Variants in JADE1 observed in about 807,000 individuals in gnomAD.
JADE1 encodes the protein protein Jade-1.
A neutral mutation model predicts 81.8 loss-of-function variants in JADE1; 14 were observed. The observed-to-expected ratio is 0.17, with a 90% CI of 0.11 to 0.27. The LOEUF is 0.27. JADE1 is among the 10% of genes least tolerant of loss of function. The pLI is 1.00. For missense variants in JADE1, 690 were observed against 1,047.9 expected, an observed-to-expected ratio of 0.66 and a Z score of 4.71; for synonymous variants, 353 against 391.9, an observed-to-expected ratio of 0.90 and a Z score of 1.17.
At chr4:128,865,966 A>G (rs1731749804) in intron 9 of JADE1, among the ~76,000 whole-genome samples, 1 of 152,292 alleles carries the variant, frequency 6.6e-6, no homozygotes, top group East Asian at 1.9e-4. Flanking sequence ...TATTTCCAGG[A>G]GTCAGATTCC....
At chr4:128,842,306 CTT>C (rs1553946691) in intron 2 of JADE1, among the ~76,000 whole-genome samples, 7 of 144,544 alleles carry the variant, frequency 4.8e-5, no homozygotes, top group Non-Finnish European at 4.6e-5. Context: ...TTCTTTCTTT[CTT>C]TTTTTTTTTT....
At position 128,824,193 on chromosome 4, in the gene JADE1, C is replaced by T. The variant is rs868438062; in HGVS notation, c.-26-7540C>T. Among the ~76,000 whole-genome samples the T allele has an allele frequency of 6.5e-4, 99 of 152,000 alleles. 2 individuals are homozygous for T. The highest frequency in any genetic ancestry group is 3.9e-3 in the Admixed American group (60 of 15,248). On this transcript the variant is annotated intron_variant, in intron 1 of 10. Coordinates refer to ENST00000226319, the MANE Select transcript of JADE1 (RefSeq NM_199320.4). The stretch of plus-strand genomic sequence containing the variant: ...CAGCACTTTGGGAGGCCGAGGCGGG[C>T]GGATCATGAGGTCAGGAGATCGAGA...
intron 1 of JADE1, among the ~76,000 whole-genome samples, chr4:128,830,481 G>T (rs188225949): frequency 6.6e-6 from 1 of 152,096 alleles, no homozygotes; most frequent in South Asian, 2.1e-4. Context: ...TGATCCTCCC[G>T]TCTTTGCTTC....
intron 5 of JADE1, among the ~76,000 whole-genome samples, chr4:128,849,873 C>T (rs1730199106): frequency 6.6e-6 from 1 of 152,144 alleles, no homozygotes; most frequent in Non-Finnish European, 1.5e-5. Flanking sequence ...TCTTGATGAA[C>T]AAGACAGTGG....
intron 2 of JADE1, among the ~76,000 whole-genome samples, chr4:128,835,453 C>G (rs1383245822): frequency 2.0e-5 from 3 of 152,212 alleles, no homozygotes; most frequent in Non-Finnish European, 4.4e-5. Context: ...CTGCCACCAA[C>G]TCACTCATTT....
chr4:128,813,568 G>C (rs1291485157), intron 1 of JADE1, among the ~76,000 whole-genome samples: 1 of 152,112 alleles, frequency 6.6e-6, no homozygotes, highest in Non-Finnish European at 1.5e-5. Flanking sequence ...ACAGGCGCGT[G>C]CCACCACGGC....
chr4:128,847,360 CTT>C (rs563895035), intron 4 of JADE1, among the ~76,000 whole-genome samples: 1 of 152,184 alleles, frequency 6.6e-6, no homozygotes, highest in Non-Finnish European at 1.5e-5. Flanking sequence ...CTTTGTGTCT[CTT>C]TTTTTGGGCA....
Position 128,873,540 on chromosome 4 carries a change from G to A in JADE1, c.*1278G>A, listed in dbSNP as rs1034761546. The A allele has an allele frequency of 1.3e-5, 2 of 152,566 alleles. No individual in the cohort carries two copies. The highest frequency in any genetic ancestry group is 4.8e-5 in the African/African-American group (2 of 41,436). 9.5% of individuals were successfully genotyped at this position (152,566 alleles called of 1,614,324 possible). On this transcript the variant is annotated 3_prime_UTR_variant, in exon 11 of 11. Transcript: ENST00000226319. ...ATTTAGCATTAAATTTGAGTACAAT[G>A]TTTTGTTTTTGCACTCCCCATAGTG...
chr4:128,833,442 G>A (rs764066079), intron 2 of JADE1, among the ~76,000 whole-genome samples: 6 of 152,142 alleles, frequency 3.9e-5, no homozygotes, highest in Non-Finnish European at 8.8e-5. Context: ...GGTGGCTCAC[G>A]CCTGTATTCC....
chr4:128,845,692 A>G (rs1018094393), intron 3 of JADE1, among the ~76,000 whole-genome samples: 3 of 152,016 alleles, frequency 2.0e-5, no homozygotes, highest in African/African-American at 7.2e-5. Flanking sequence ...AGGCAGGTAG[A>G]TCATTTGAGG....
intron 1 of JADE1, among the ~76,000 whole-genome samples, chr4:128,825,317 G>C (rs1727958604): frequency 6.6e-6 from 1 of 152,210 alleles, no homozygotes; most frequent in African/African-American, 2.4e-5. Flanking sequence ...CTGGATTACA[G>C]GCGTGAGCCA....
intron 5 of JADE1, among the ~76,000 whole-genome samples, chr4:128,850,294 C>G (rs1392070843): frequency 7.3e-6 from 1 of 136,404 alleles, no homozygotes; most frequent in East Asian, 2.1e-4. Flanking sequence ...ACCTGGGCAA[C>G]AGAGCCAGAC....
intron 1 of JADE1, among the ~76,000 whole-genome samples, chr4:128,821,874 T>C (rs1727604863): frequency 6.6e-6 from 1 of 152,180 alleles, no homozygotes; most frequent in African/African-American, 2.4e-5. Context: ...TTTTCTATTA[T>C]TATTGCATAT....
chr4:128,870,285 CGCTA>C (rs1732094178), intron 10 of JADE1, among the ~76,000 whole-genome samples: 1 of 152,090 alleles, frequency 6.6e-6, no homozygotes, highest in Non-Finnish European at 1.5e-5. Context: ...TGTTCTGAGT[CGCTA>C]GCTATGTTTC....
chr4:128,863,215 C>T (rs1030071220), intron 9 of JADE1: 20 of 985,402 alleles, frequency 2.0e-5, no homozygotes, highest in Non-Finnish European at 2.3e-5. Flanking sequence ...GGCTGCCTCC[C>T]GCTAGGGCCT....
At chr4:128,861,471 C>T (rs1489591315) in intron 8 of JADE1, among the ~76,000 whole-genome samples, 1 of 152,176 alleles carries the variant, frequency 6.6e-6, no homozygotes, top group Non-Finnish European at 1.5e-5. Flanking sequence ...TGGAGACCAA[C>T]TTAGGCAACA....
intron 9 of JADE1, chr4:128,863,063 T>C (rs1324455955): frequency 2.0e-6 from 2 of 985,458 alleles, no homozygotes; most frequent in Non-Finnish European, 2.4e-6. Flanking sequence ...CTGAGATTGC[T>C]GAATGTCGTG....
intron 9 of JADE1, among the ~76,000 whole-genome samples, chr4:128,865,835 C>T (rs1483941884): frequency 6.6e-6 from 1 of 152,122 alleles, no homozygotes; most frequent in Non-Finnish European, 1.5e-5. Flanking sequence ...CTGGCTTCCC[C>T]GTTTTCCATT....
chr4:128,822,942 C>T (rs775042635), intron 1 of JADE1, among the ~76,000 whole-genome samples: 1 of 152,096 alleles, frequency 6.6e-6, no homozygotes, highest in South Asian at 2.1e-4. Context: ...TTTTTCCCTG[C>T]AGTTAGCCTG....
Sources: allele counts gnomAD v4.1 joint callset (sites outside exome capture counted in the v4.1 genomes callset), GRCh38; gene constraint gnomAD v4.1.1; transcripts MANE v1.5; gene names NCBI Gene and HGNC (gene_info 2026-07-23, HGNC 2026-07-21).